CDK19: variants seen among roughly 807,000 people sequenced by gnomAD.
CDK19 encodes cyclin dependent kinase 19.
CDK19 carries 20 observed loss-of-function variants against 68.3 expected under a neutral mutation model. The ratio of observed to expected loss-of-function variants is 0.29; its 90% CI spans 0.21 to 0.43. The LOEUF (loss-of-function observed/expected upper bound fraction) is 0.43, where lower values mean the gene tolerates loss of function less well. CDK19 is among the 20% of genes least tolerant of loss of function. CDK19 has a pLI of 1.00. For synonymous variants in CDK19, 221 were observed against 222.8 expected (o/e 0.99, Z 0.07); for missense variants, 339 against 623.5 (o/e 0.54, Z 4.86).
intron 2 of CDK19, among the ~76,000 whole-genome samples, chr6:110,721,703 C>T (rs1226696452): frequency 6.6e-6 from 1 of 152,170 alleles, no homozygotes; most frequent in Non-Finnish European, 1.5e-5. Flanking sequence ...TGGCAGCTCA[C>T]GCCTGTAATC....
chr6:110,814,824 C>T (rs1358502764), intron 1 of CDK19, 185 bp downstream of exon 1: 2 of 777,652 alleles, frequency 2.6e-6, no homozygotes, highest in East Asian at 5.9e-5. Context: ...AGGTACGCGA[C>T]GGGGCCGCGC....
At chr6:110,664,813 G>A (rs1781823921) in intron 4 of CDK19, among the ~76,000 whole-genome samples, 2 of 152,286 alleles carry the variant, frequency 1.3e-5, no homozygotes, top group South Asian at 4.1e-4. Context: ...GAAGAGATTG[G>A]TTCCAAGTAG....
intron 8 of CDK19, chr6:110,623,608 G>A (rs1262104395): frequency 5.8e-6 from 1 of 171,806 alleles, no homozygotes; most frequent in Non-Finnish European, 1.2e-5. Context: ...CATTAGTGTT[G>A]AAAATGTGTA....
At chr6:110,664,258 T>G (rs1781786555) in intron 4 of CDK19, among the ~76,000 whole-genome samples, 1 of 152,172 alleles carries the variant, frequency 6.6e-6, no homozygotes, top group Non-Finnish European at 1.5e-5. Context: ...CACCCAAGTC[T>G]CTATTTAAAT....
chr6:110,804,976 C>A (rs1450877194), intron 1 of CDK19, among the ~76,000 whole-genome samples: 1 of 151,806 alleles, frequency 6.6e-6, no homozygotes, highest in Non-Finnish European at 1.5e-5. Flanking sequence ...AAAAAAGACA[C>A]CTGTTATTTG....
chr6:110,706,792 T>C (rs2114669320), intron 2 of CDK19: 1 of 195,628 alleles, frequency 5.1e-6, no homozygotes, highest in Non-Finnish European at 1.1e-5. Context: ...AATTTTTGAA[T>C]AGTACCCATA....
chr6:110,712,312 G>A (rs1296918673), intron 2 of CDK19, among the ~76,000 whole-genome samples: 2 of 152,158 alleles, frequency 1.3e-5, no homozygotes, highest in Non-Finnish European at 2.9e-5. Flanking sequence ...CCAAAGCAGA[G>A]CTTCTTTTCG....
At chr6:110,669,711 G>A (rs1245414297) in intron 3 of CDK19, among the ~76,000 whole-genome samples, 2 of 152,106 alleles carry the variant, frequency 1.3e-5, no homozygotes, top group Non-Finnish European at 2.9e-5. Context: ...GTTACTTTTA[G>A]CAGTTCCTCA....
chr6:110,753,600 G>A (rs1319793504), intron 1 of CDK19, among the ~76,000 whole-genome samples: 1 of 150,696 alleles, frequency 6.6e-6, no homozygotes, highest in African/African-American at 2.4e-5. Context: ...TTCCCAGGCT[G>A]GTCTCAAACT....
rs78966102 is a variant in CDK19 at position 110,787,006 on chromosome 6, G to A, written c.128+28003C>T. 3.8e-3 allele frequency among the ~76,000 whole-genome samples: 573 copies of A among 152,142 alleles called. 4 individuals carry two copies. The highest frequency in any genetic ancestry group is 0.013 in the African/African-American group (537 of 41,494). On this transcript the variant is annotated intron_variant, in intron 1 of 12. Coordinates refer to ENST00000368911, the MANE Select transcript of CDK19 (RefSeq NM_015076.5). ...CTATCCCTTCTTGCCTTAAATCCTG[G>A]GGCTTGCTTCATTACTAATTAATGT...
At chr6:110,639,679 T>C (rs991802779) in intron 4 of CDK19, among the ~76,000 whole-genome samples, 1 of 152,236 alleles carries the variant, frequency 6.6e-6, no homozygotes, top group Non-Finnish European at 1.5e-5. Flanking sequence ...CCCTTTCAAT[T>C]TGCTGATTGT....
At chr6:110,647,966 A>T (rs940858985) in intron 4 of CDK19, among the ~76,000 whole-genome samples, 2 of 152,198 alleles carry the variant, frequency 1.3e-5, no homozygotes, top group Non-Finnish European at 2.9e-5. Context: ...ACAGATTAAG[A>T]AGAAAATTAT....
chr6:110,728,157 G>A (rs113323965), intron 2 of CDK19, among the ~76,000 whole-genome samples: 15 of 151,884 alleles, frequency 9.9e-5, no homozygotes, highest in African/African-American at 2.2e-4. Flanking sequence ...GCATGGTGGC[G>A]TGCACCTGTA....
At chr6:110,653,967 A>G (rs1263756573) in intron 4 of CDK19, among the ~76,000 whole-genome samples, 1 of 152,178 alleles carries the variant, frequency 6.6e-6, no homozygotes, top group African/African-American at 2.4e-5. Flanking sequence ...AAAATATGAA[A>G]CTCATAATAT....
At chr6:110,763,898 A>G (rs775115969) in intron 1 of CDK19, among the ~76,000 whole-genome samples, 3 of 152,230 alleles carry the variant, frequency 2.0e-5, no homozygotes, top group Non-Finnish European at 4.4e-5. Flanking sequence ...ATAAACAATT[A>G]TAGCAAGATT....
At chr6:110,627,234 C>T (rs1241313390) in intron 6 of CDK19, 89 bp from the exon 7 acceptor site, 2 of 945,840 alleles carry the variant, frequency 2.1e-6, no homozygotes, top group Non-Finnish European at 3.2e-6. Context: ...AAATACTTTT[C>T]AGTAAATCAA....
intron 1 of CDK19, among the ~76,000 whole-genome samples, chr6:110,778,522 CAG>C (rs1780573782): frequency 1.3e-5 from 2 of 152,292 alleles, no homozygotes; most frequent in South Asian, 2.1e-4. Context: ...AGAGTTAGTA[CAG>C]AGTTTCAATT....
intron 4 of CDK19, chr6:110,645,785 T>A: frequency 1.7e-6 from 1 of 589,830 alleles, no homozygotes; most frequent in South Asian, 1.6e-5. Flanking sequence ...TTCCAGTTTC[T>A]GGCCTCTGGT....
intron 2 of CDK19, among the ~76,000 whole-genome samples, chr6:110,707,070 G>C (rs2114670919): frequency 6.6e-6 from 1 of 151,300 alleles, no homozygotes; most frequent in South Asian, 2.1e-4. Context: ...TAGCACTTTG[G>C]GAGGCTGAGG....
Sources: gnomAD v4.1 joint callset for allele counts (sites outside exome capture counted in the v4.1 genomes callset) on GRCh38, gnomAD v4.1.1 for gene constraint, MANE v1.5 for transcripts, NCBI Gene and HGNC (gene_info 2026-07-23, HGNC 2026-07-21) for gene names.